The following PIP4K2A variants were observed in gnomAD, a reference collection of about 807,000 sequenced individuals.
PIP4K2A encodes phosphatidylinositol-5-phosphate 4-kinase type 2 alpha.
A neutral mutation model predicts 42.9 loss-of-function variants in PIP4K2A; 14 were observed. The ratio of observed to expected loss-of-function variants is 0.33; its 90% CI spans 0.22 to 0.51. The LOEUF (loss-of-function observed/expected upper bound fraction) is 0.51. Ranked by LOEUF, PIP4K2A falls within the 20% of genes least tolerant of loss-of-function variation. PIP4K2A has a pLI of 0.97. For missense variants in PIP4K2A, 434 were observed against 519.8 expected (o/e 0.83, Z 1.61); for synonymous variants, 192 against 192.2 (o/e 1.00, Z 0.01).
intron 7 of PIP4K2A, among the ~76,000 whole-genome samples, chr10:22,546,875 T>A (rs1291991522): frequency 6.6e-6 from 1 of 152,204 alleles, no homozygotes; most frequent in Admixed American, 6.5e-5. Context: ...AAACAGTATA[T>A]ATTTGTTCTT....
chr10:22,636,867 T>C (rs191223083), intron 1 of PIP4K2A, among the ~76,000 whole-genome samples: 220 of 152,304 alleles, frequency 1.4e-3, no homozygotes, highest in African/African-American at 5.0e-3. Context: ...AGCACAAGCC[T>C]GACAAGCACT....
At chr10:22,560,401 A>G (rs1428735493) in intron 6 of PIP4K2A, among the ~76,000 whole-genome samples, 1 of 152,262 alleles carries the variant, frequency 6.6e-6, no homozygotes. Flanking sequence ...GTAATTAATT[A>G]TAATTTGTTA....
intron 1 of PIP4K2A, among the ~76,000 whole-genome samples, chr10:22,644,981 T>A (rs1564453714): frequency 6.6e-6 from 1 of 152,116 alleles, no homozygotes. Flanking sequence ...CGCAAGACAG[T>A]TTTCTAAGAC....
intron 1 of PIP4K2A, among the ~76,000 whole-genome samples, chr10:22,625,402 G>A (rs1169613322): frequency 3.3e-5 from 5 of 152,112 alleles, no homozygotes; most frequent in African/African-American, 1.2e-4. Flanking sequence ...GCATTAAAAT[G>A]TATAGAACAT....
chr10:22,703,950 C>A (rs1833762323), intron 1 of PIP4K2A, among the ~76,000 whole-genome samples: 1 of 152,010 alleles, frequency 6.6e-6, no homozygotes, highest in Non-Finnish European at 1.5e-5. Flanking sequence ...CGGGAAGAGG[C>A]CAGTTTAAGT....
intron 1 of PIP4K2A, among the ~76,000 whole-genome samples, chr10:22,622,071 T>C (rs1344200924): frequency 6.6e-6 from 1 of 152,094 alleles, no homozygotes; most frequent in Non-Finnish European, 1.5e-5. Flanking sequence ...GTAAAGGAAG[T>C]TAGAGATTGG....
chr10:22,601,163 AC>A (rs146064844), intron 3 of PIP4K2A, among the ~76,000 whole-genome samples: 7,936 of 53,520 alleles, frequency 0.15, 2,681 homozygotes, highest in Non-Finnish European at 0.23. Context: ...AAAAAAAAAA[AC>A]AAACCAGGAA....
At chr10:22,579,175 T>A (rs1466300024) in intron 4 of PIP4K2A, among the ~76,000 whole-genome samples, 1 of 151,606 alleles carries the variant, frequency 6.6e-6, no homozygotes, top group Non-Finnish European at 1.5e-5. Context: ...AGTCACATGG[T>A]TAACTTGGGG....
At chr10:22,640,469 G>A (rs1588679769) in intron 1 of PIP4K2A, among the ~76,000 whole-genome samples, 1 of 152,118 alleles carries the variant, frequency 6.6e-6, no homozygotes, top group Non-Finnish European at 1.5e-5. Context: ...AGCATGAAGG[G>A]GTCTAAGGAC....
At chr10:22,538,851 TATCGAC>T (rs2130735048) in intron 9 of PIP4K2A, among the ~76,000 whole-genome samples, 1 of 152,344 alleles carries the variant, frequency 6.6e-6, no homozygotes. Flanking sequence ...ATACCATAGC[TATCGAC>T]AATGTGACTG....
chr10:22,573,141 G>A (rs1385996971), intron 5 of PIP4K2A, among the ~76,000 whole-genome samples, 170 bp downstream of exon 5: 3 of 152,102 alleles, frequency 2.0e-5, no homozygotes, highest in Non-Finnish European at 2.9e-5. Context: ...AGTGTTTTTT[G>A]GTGAGGCCAG....
intron 1 of PIP4K2A, among the ~76,000 whole-genome samples, chr10:22,631,290 G>A (rs1838540713): frequency 6.6e-6 from 1 of 152,136 alleles, no homozygotes; most frequent in Non-Finnish European, 1.5e-5. Flanking sequence ...TTTGTTTGGA[G>A]ATGGGGCCCT....
chr10:22,639,131 G>C (rs1838725976), intron 1 of PIP4K2A, among the ~76,000 whole-genome samples: 1 of 152,082 alleles, frequency 6.6e-6, no homozygotes. Flanking sequence ...CCTCAGTAAA[G>C]AGCATCCACC....
intron 3 of PIP4K2A, among the ~76,000 whole-genome samples, chr10:22,594,725 G>C (rs549309554): frequency 6.6e-6 from 1 of 152,310 alleles, no homozygotes; most frequent in African/African-American, 2.4e-5. Flanking sequence ...TAAAGGGCTG[G>C]AAACGTAAAA....
At chr10:22,602,437 G>T (rs1020595176) in intron 3 of PIP4K2A, among the ~76,000 whole-genome samples, 1 of 150,272 alleles carries the variant, frequency 6.7e-6, no homozygotes, top group African/African-American at 2.5e-5. Flanking sequence ...GAAAGAAAAA[G>T]AAAAAAGAAA....
rs995016051 is a variant in PIP4K2A, at chr10:22,539,848, G to C, written c.1140+123C>G. ...GTAGAAAGCAGCTCAGTGGCAGAAA[G>C]GAGTGATCCCTGAGTTACAGGTCAC... On this transcript the variant is annotated intron_variant, in intron 9 of 9. Coordinates refer to ENST00000376573, the MANE Select transcript of PIP4K2A (RefSeq NM_005028.5). The C allele has an allele frequency of 4.1e-6, 3 of 730,280 alleles. No individual in the cohort carries two copies. The African/African-American group carries it at 5.2e-5, about 13-fold the overall frequency. The allele number at this position is 730,280 out of a possible 1,614,324, so 45.2% of individuals were successfully genotyped here. A position where few individuals can be genotyped will look rare whatever the true frequency, so the allele number is the denominator to read the frequency against.
At chr10:22,636,501 G>A (rs753073365) in intron 1 of PIP4K2A, among the ~76,000 whole-genome samples, 2 of 152,120 alleles carry the variant, frequency 1.3e-5, no homozygotes, top group Non-Finnish European at 2.9e-5. Context: ...GGCCTCAAGC[G>A]ATTCTCCTGC....
At chr10:22,598,080 G>A (rs1837672684) in intron 3 of PIP4K2A, among the ~76,000 whole-genome samples, 1 of 152,184 alleles carries the variant, frequency 6.6e-6, no homozygotes, top group Non-Finnish European at 1.5e-5. Context: ...ATTGGGGGCT[G>A]GGCACAGTGG....
At chr10:22,641,730 A>G (rs950762852) in intron 1 of PIP4K2A, among the ~76,000 whole-genome samples, 17 of 152,100 alleles carry the variant, frequency 1.1e-4, no homozygotes, top group Non-Finnish European at 8.8e-5. Flanking sequence ...ACTATAGGCC[A>G]TGAGCTGCCA....
Sources: gnomAD v4.1 joint callset for allele counts (sites outside exome capture counted in the v4.1 genomes callset) on GRCh38, gnomAD v4.1.1 for gene constraint, MANE v1.5 for transcripts, NCBI Gene and HGNC (gene_info 2026-07-23, HGNC 2026-07-21) for gene names.